Variants in SHOC1 observed in about 807,000 individuals in gnomAD.
SHOC1 encodes shortage in chiasmata 1, also known as protein shortage in chiasmata 1 ortholog.
Under a neutral mutation model 179.2 loss-of-function variants are expected in SHOC1, and 136 were observed. The observed-to-expected ratio is 0.76, with a 90% CI of 0.66 to 0.87. The LOEUF is 0.87. SHOC1 is among the 40% of genes least tolerant of loss of function. The probability of loss-of-function intolerance (pLI) is 0.00; values close to 1 mark genes in which losing one functional copy is unlikely to be tolerated. For synonymous variants in SHOC1, 489 were observed against 586.6 expected (o/e 0.83, Z 2.41); for missense variants, 1,538 against 1,700.8 (o/e 0.90, Z 1.68).
At chr9:111,725,472 G>A (rs929823831) in intron 13 of SHOC1, among the ~76,000 whole-genome samples, 1 of 152,096 alleles carries the variant, frequency 6.6e-6, no homozygotes, top group African/African-American at 2.4e-5. Context: ...CAGTCCTAGG[G>A]TATGCTGGAC....
At chr9:111,780,880 T>G (rs748414193) in intron 4 of SHOC1, 50 bp downstream of exon 4, 6 of 1,306,108 alleles carry the variant, frequency 4.6e-6, no homozygotes, top group Non-Finnish European at 6.6e-6. Context: ...GAACTTACTG[T>G]TTATCTTCTA....
rs1836150591 is a variant in SHOC1, at chr9:111,783,410, C to G, written c.170-2393G>C. 4 of 152,352 alleles carry G rather than the reference C, an allele frequency of 2.6e-5. No homozygotes were observed. The South Asian group carries it at 6.2e-4, about 24-fold the overall frequency. The allele number at this position is 152,352 out of a possible 1,614,324, so 9.4% of individuals were successfully genotyped here. On this transcript the variant is annotated intron_variant, in intron 3 of 27. Transcript: ENST00000682961. Reference sequence around the variant, plus strand: ...TACATTTAGTCAAGCTAATGGTCAACTCACTATCCTCACATAACTTGAGCT... The same window carrying G: ...TACATTTAGTCAAGCTAATGGTCAAGTCACTATCCTCACATAACTTGAGCT...
At chr9:111,722,630 T>C (rs762515644) in intron 14 of SHOC1, 45 bp from the exon 15 acceptor site, 6 of 1,513,058 alleles carry the variant, frequency 4.0e-6, no homozygotes, top group Non-Finnish European at 4.5e-6. Flanking sequence ...ATAAAGATGG[T>C]ATGCTCTTTT....
chr9:111,754,034 C>T (rs1834735678), intron 8 of SHOC1, among the ~76,000 whole-genome samples: 1 of 152,034 alleles, frequency 6.6e-6, no homozygotes, highest in South Asian at 2.1e-4. Context: ...GAAAGTAGAT[C>T]TTAAATATTC....
intron 27 of SHOC1, among the ~76,000 whole-genome samples, chr9:111,690,700 C>T (rs916536887): frequency 7.9e-5 from 12 of 152,138 alleles, no homozygotes; most frequent in African/African-American, 2.2e-4. Flanking sequence ...GAATACTTCC[C>T]ATTAAAGTGA....
At chr9:111,785,866 G>T in intron 3 of SHOC1, 46 bp downstream of exon 3, 1 of 1,390,440 alleles carries the variant, frequency 7.2e-7, no homozygotes, top group South Asian at 1.8e-5. Context: ...GCTAAACTCT[G>T]AAATGGCTTT....
rs988815485 is a variant in SHOC1 at position 111,759,310 on chromosome 9, C to G, written c.443-462G>C. Reference sequence around the variant, plus strand: ...ACATGTAGGGAATGGAGATGGTCTACAGTGCCTACAAATGAGACTGATTCT... The same window carrying G: ...ACATGTAGGGAATGGAGATGGTCTAGAGTGCCTACAAATGAGACTGATTCT... On this transcript the variant is annotated intron_variant, in intron 5 of 27. Coordinates refer to ENST00000682961, the MANE Select transcript of SHOC1 (RefSeq NM_001378211.1). 4 of 1,591,876 alleles carry G rather than the reference C, an allele frequency of 2.5e-6. No homozygotes were observed. The African/African-American group carries it at 5.4e-5, about 22-fold the overall frequency.
Position 111,691,976 on chromosome 9 carries a change from G to A in SHOC1, c.4001C>T (p.Ala1334Val). 1 of 1,613,504 alleles carries A rather than the reference G, an allele frequency of 6.2e-7. No individual in the cohort carries two copies. The highest frequency in any genetic ancestry group is 8.5e-7 in the Non-Finnish European group (1 of 1,179,760). The change falls in exon 27 of 28, where the codon GCA becomes GTA. Residue 1334 changes from alanine (A) to valine (V), a missense_variant. Coordinates refer to ENST00000682961, the MANE Select transcript of SHOC1 (RefSeq NM_001378211.1). Reference sequence around the variant, plus strand: ...TACATCTTTATTTATGAAACCTTTTGCTTCATGTGTTCTCCTTTTCTGAGA... The same window carrying A: ...TACATCTTTATTTATGAAACCTTTTACTTCATGTGTTCTCCTTTTCTGAGA... The part of the protein sequence containing the change: ...INSQKRRTHE[A>V]KGFINKDVSD...
chr9:111,722,959 G>A (rs1022883166), intron 14 of SHOC1, among the ~76,000 whole-genome samples: 3 of 152,064 alleles, frequency 2.0e-5, no homozygotes, highest in Admixed American at 1.3e-4. Flanking sequence ...GCACCACCAC[G>A]CCCAGCTAAT....
chr9:111,738,026 G>A, intron 12 of SHOC1: 1 of 419,474 alleles, frequency 2.4e-6, no homozygotes, highest in Non-Finnish European at 4.2e-6. Flanking sequence ...AATGAAAATG[G>A]CTAGAAATTT....
At chr9:111,781,115 T>C (rs1225069705) in intron 3 of SHOC1, 98 bp from the exon 4 acceptor site, 4 of 817,750 alleles carry the variant, frequency 4.9e-6, no homozygotes, top group Non-Finnish European at 7.9e-6. Context: ...ATTTTATCTT[T>C]ATTTATTCAC....
At chr9:111,723,534 G>C (rs1336206915) in intron 14 of SHOC1, among the ~76,000 whole-genome samples, 1 of 152,172 alleles carries the variant, frequency 6.6e-6, no homozygotes. Context: ...GTTGTTCTCA[G>C]ATTGATATAG....
intron 8 of SHOC1, among the ~76,000 whole-genome samples, chr9:111,755,047 C>G (rs137898986): frequency 1.5e-4 from 23 of 152,232 alleles, no homozygotes; most frequent in Admixed American, 1.2e-3. Flanking sequence ...CACTGCCTAC[C>G]CCCTGACCTT....
chr9:111,710,520 G>A lies in SHOC1; in HGVS notation c.2488+2580C>T, dbSNP rs189239238. ...TTCATTTGTTTAATAAACTTTTATC[G>A]AGTGCCTTCTATGTTGTGGGCATTT... On this transcript the variant is annotated intron_variant, in intron 18 of 27. Coordinates refer to ENST00000682961, the MANE Select transcript of SHOC1 (RefSeq NM_001378211.1). Among the ~76,000 whole-genome samples the A allele has an allele frequency of 8.5e-5, 13 of 152,076 alleles. No individual in the cohort carries two copies. The East Asian group carries it at 2.1e-3, about 25-fold the overall frequency.
intron 12 of SHOC1, among the ~76,000 whole-genome samples, chr9:111,730,223 A>G (rs1833503906): frequency 6.6e-6 from 1 of 152,190 alleles, no homozygotes; most frequent in Non-Finnish European, 1.5e-5. Context: ...GAAGGTTCAA[A>G]TCAACTTTTT....
At position 111,738,296 on chromosome 9, in the gene SHOC1, T is replaced by G; in HGVS notation, c.1401A>C (p.Lys467Asn). 3 of 1,610,898 alleles carry G rather than the reference T, an allele frequency of 1.9e-6. No individual in the cohort carries two copies. The highest frequency in any genetic ancestry group is 1.7e-6 in the Non-Finnish European group (2 of 1,178,424). The change falls in exon 12 of 28, where the codon AAA becomes AAC. Residue 467 changes from lysine to asparagine, a missense_variant. Physicochemically the swap from Lys to Asn is moderately conservative, Grantham distance 94. Transcript: ENST00000682961. ...TGTACTTACATTCTAATTGAAGCAC[T>G]TTCGTAGGCAAAAATATCTCAATTT... Reference protein sequence around the residue: ...DTKIEIFLPTKVLQLESCLEH... With the variant: ...DTKIEIFLPTNVLQLESCLEH...
chr9:111,753,283 T>C (rs1354039359), intron 8 of SHOC1, among the ~76,000 whole-genome samples: 2 of 152,130 alleles, frequency 1.3e-5, no homozygotes, highest in Admixed American at 1.3e-4. Flanking sequence ...AAAATAGAAG[T>C]AAAGTTAATG....
intron 5 of SHOC1, among the ~76,000 whole-genome samples, chr9:111,769,975 G>GTTTTTTTGTTTTTTTTTTTTTT (rs1835506122): frequency 1.1e-5 from 1 of 87,806 alleles, no homozygotes; most frequent in Non-Finnish European, 2.2e-5. Context: ...TTTATCTTCT[G>GTTTTTTTGTTTTTTTTTTTTTT]TTTTTTTTTT....
chr9:111,688,946 G>A (rs926939684), intron 27 of SHOC1, among the ~76,000 whole-genome samples: 9 of 152,112 alleles, frequency 5.9e-5, no homozygotes, highest in East Asian at 1.9e-4. Flanking sequence ...ATACATTAAC[G>A]TGAAAAATCC....
Sources: gnomAD v4.1 joint callset for allele counts (sites outside exome capture counted in the v4.1 genomes callset) on GRCh38, gnomAD v4.1.1 for gene constraint, MANE v1.5 for transcripts, NCBI Gene and HGNC (gene_info 2026-07-23, HGNC 2026-07-21) for gene names.